The following DOCK10 variants were observed in gnomAD, a reference collection of about 807,000 sequenced individuals.
DOCK10 encodes dedicator of cytokinesis 10.
DOCK10 carries 145 observed loss-of-function variants against 280.1 expected under a neutral mutation model. The observed-to-expected ratio is 0.52, with a 90% CI of 0.45 to 0.59. The LOEUF is 0.59. Among genes scored for constraint, DOCK10 ranks in the 20% least tolerant of loss-of-function variants. DOCK10 has a pLI of 0.00. For missense variants in DOCK10, 2,368 were observed against 2,651.7 expected (o/e 0.89, Z 2.35); for synonymous variants, 915 against 942.2 (o/e 0.97, Z 0.53).
At chr2:224,822,973 GT>G (rs1245001569) in intron 28 of DOCK10, among the ~76,000 whole-genome samples, 18 of 145,132 alleles carry the variant, frequency 1.2e-4, no homozygotes, top group Admixed American at 8.9e-4. Flanking sequence ...TCTAACCTTA[GT>G]TTTTTTTTTC....
In DOCK10 at chr2:224,916,509, C is replaced by T. The variant is rs1164633500; in HGVS notation, c.333+186G>A. 2.7e-5 allele frequency among the ~76,000 whole-genome samples: 4 copies of T among 149,470 alleles called. No homozygotes were observed. In the East Asian group the frequency reaches 5.9e-4, roughly 22 times the overall value. On this transcript the variant is annotated intron_variant, in intron 3 of 55. Transcript: ENST00000258390. ...TGAGCAGAGGTGGTGCCACCACACT[C>T]CAGCCTGGGTGACAGAGTGACACCC...
intron 1 of DOCK10, among the ~76,000 whole-genome samples, chr2:224,932,448 A>G (rs761829312): frequency 1.3e-5 from 2 of 152,148 alleles, no homozygotes; most frequent in Non-Finnish European, 2.9e-5. Flanking sequence ...AGAACTCATA[A>G]GGTGAGAAAA....
chr2:224,860,074 A>G (rs141729685), intron 14 of DOCK10, among the ~76,000 whole-genome samples: 216 of 152,362 alleles, frequency 1.4e-3, no homozygotes, highest in African/African-American at 5.0e-3. Context: ...ACCTACAACC[A>G]GACCACTAAT....
At chr2:224,926,519 G>A (rs1452512591) in intron 2 of DOCK10, among the ~76,000 whole-genome samples, 1 of 152,134 alleles carries the variant, frequency 6.6e-6, no homozygotes, top group Non-Finnish European at 1.5e-5. Flanking sequence ...ATAACAGAGC[G>A]AGACTCCATC....
intron 1 of DOCK10, among the ~76,000 whole-genome samples, chr2:224,936,251 C>T (rs963460223): frequency 6.6e-6 from 1 of 152,162 alleles, no homozygotes; most frequent in Non-Finnish European, 1.5e-5. Flanking sequence ...AGTTAGTGAA[C>T]TCACAATATT....
At chr2:224,896,585 C>T (rs1490291536) in intron 3 of DOCK10, among the ~76,000 whole-genome samples, 1 of 151,988 alleles carries the variant, frequency 6.6e-6, no homozygotes, top group South Asian at 2.1e-4. Flanking sequence ...GGCCTGGTGG[C>T]GGGTGCCTGT....
chr2:224,822,992 C>CTGTCT (rs1309102862), intron 28 of DOCK10, among the ~76,000 whole-genome samples: 1 of 149,574 alleles, frequency 6.7e-6, no homozygotes, highest in Non-Finnish European at 1.5e-5. Flanking sequence ...TTCTTTCTTC[C>CTGTCT]TGTCTTTTTT....
chr2:224,872,359 A>C (rs1698344235), intron 11 of DOCK10, among the ~76,000 whole-genome samples: 1 of 152,192 alleles, frequency 6.6e-6, no homozygotes, highest in South Asian at 2.1e-4. Flanking sequence ...TGAAATAGGC[A>C]TTGTTATTAT....
At chr2:224,982,235 A>G in intron 1 of DOCK10, 1 of 1,231,822 alleles carries the variant, frequency 8.1e-7, no homozygotes, top group Non-Finnish European at 1.0e-6. Flanking sequence ...GGGTCTATTC[A>G]TTTCATCGTC....
intron 1 of DOCK10, among the ~76,000 whole-genome samples, chr2:224,952,164 T>G (rs1176254203): frequency 1.3e-5 from 2 of 152,234 alleles, no homozygotes; most frequent in Non-Finnish European, 2.9e-5. Flanking sequence ...CCTTCACAGC[T>G]GTACGAAAAT....
intron 1 of DOCK10, among the ~76,000 whole-genome samples, chr2:225,006,631 A>ACACTG (rs1381151124): frequency 6.6e-6 from 1 of 152,184 alleles, no homozygotes; most frequent in East Asian, 1.9e-4. Flanking sequence ...CACCTATCAC[A>ACACTG]CACTGTCTAA....
rs143370732 is a variant in DOCK10, at chr2:224,887,667, A to G, written c.417-1136T>C. On this transcript the variant is annotated intron_variant, in intron 4 of 55. Transcript: ENST00000258390. ...TGGGATGTTTTTCTTTTTTAAAGTA[A>G]ATTTTATTGGATATGCTTGAGGTTT... is the stretch of plus-strand genomic sequence containing the variant. 6.1e-3 allele frequency among the ~76,000 whole-genome samples: 927 copies of G among 152,278 alleles called. 10 individuals are homozygous for G. The highest frequency in any genetic ancestry group is 0.02 in the African/African-American group (817 of 41,556).
intron 15 of DOCK10, among the ~76,000 whole-genome samples, chr2:224,855,830 G>A (rs1171426736): frequency 6.6e-6 from 1 of 152,152 alleles, no homozygotes; most frequent in East Asian, 1.9e-4. Context: ...AATTTTGCTT[G>A]ACAGCTAAAC....
At chr2:225,016,523 A>G (rs753972714) in intron 1 of DOCK10, among the ~76,000 whole-genome samples, 7 of 141,266 alleles carry the variant, frequency 5.0e-5, no homozygotes, top group East Asian at 2.1e-4. Flanking sequence ...ATATATCTAT[A>G]TGCACATAGA....
intron 19 of DOCK10, 84 bp from the exon 20 acceptor site, chr2:224,845,726 A>C: frequency 7.3e-7 from 1 of 1,371,036 alleles, no homozygotes; most frequent in Non-Finnish European, 1.0e-6. Context: ...CTTTTTAAAC[A>C]ATCTTTTTTT....
chr2:224,997,994 G>A (rs548320431), intron 1 of DOCK10, among the ~76,000 whole-genome samples: 12 of 152,228 alleles, frequency 7.9e-5, no homozygotes, highest in South Asian at 2.1e-4. Flanking sequence ...AAGATGTGTC[G>A]CTCCAGCTGG....
At chr2:225,000,262 C>T (rs1706397428) in intron 1 of DOCK10, among the ~76,000 whole-genome samples, 1 of 151,954 alleles carries the variant, frequency 6.6e-6, no homozygotes, top group African/African-American at 2.4e-5. Context: ...ACTGGTTTTA[C>T]ACATGATGGA....
intron 11 of DOCK10, among the ~76,000 whole-genome samples, chr2:224,867,215 C>A (rs1289064627): frequency 6.6e-6 from 1 of 152,168 alleles, no homozygotes; most frequent in African/African-American, 2.4e-5. Flanking sequence ...TCTAGCCTTT[C>A]CATTTTTAAT....
intron 1 of DOCK10, among the ~76,000 whole-genome samples, chr2:224,987,378 A>G (rs751738821): frequency 2.0e-5 from 3 of 152,208 alleles, no homozygotes; most frequent in Non-Finnish European, 2.9e-5. Flanking sequence ...CAAGCTCTAG[A>G]AAGTAGGGGC....
Sources: gnomAD v4.1 joint callset for allele counts (sites outside exome capture counted in the v4.1 genomes callset) on GRCh38, gnomAD v4.1.1 for gene constraint, MANE v1.5 for transcripts, NCBI Gene and HGNC (gene_info 2026-07-23, HGNC 2026-07-21) for gene names.